The following DPYD variants were observed in gnomAD, a reference collection of about 807,000 sequenced individuals.
The protein encoded by DPYD is dihydropyrimidine dehydrogenase [NADP(+)].
In DPYD, 109 loss-of-function variants were observed where a neutral mutation model predicts 116.2. The observed-to-expected ratio is 0.94, with a 90% CI of 0.80 to 1.10. The LOEUF is 1.10. DPYD is among the 50% of genes least tolerant of loss of function. The pLI is 0.00. For missense variants in DPYD, 1,302 were observed against 1,254.5 expected, an observed-to-expected ratio of 1.04 and a Z score of -0.57; for synonymous variants, 440 against 432.0, an observed-to-expected ratio of 1.02 and a Z score of -0.23.
chr1:97,366,761 G>C (rs551197757), intron 16 of DPYD, among the ~76,000 whole-genome samples: 1 of 152,118 alleles, frequency 6.6e-6, no homozygotes, highest in Non-Finnish European at 1.5e-5. Context: ...ATCAAAAAGC[G>C]AACAGAACTC....
chr1:97,270,211 C>T (rs1470924704), intron 18 of DPYD, among the ~76,000 whole-genome samples: 1 of 152,098 alleles, frequency 6.6e-6, no homozygotes, highest in Admixed American at 6.6e-5. Flanking sequence ...CATTAGGAGT[C>T]TAAATTCATA....
chr1:97,645,876 A>G (rs1174649546), intron 8 of DPYD, among the ~76,000 whole-genome samples: 1 of 152,064 alleles, frequency 6.6e-6, no homozygotes, highest in African/African-American at 2.4e-5. Flanking sequence ...TAGATTCTAT[A>G]TTTGAAGAAA....
At chr1:97,413,987 T>C (rs1237211333) in intron 14 of DPYD, among the ~76,000 whole-genome samples, 2 of 152,122 alleles carry the variant, frequency 1.3e-5, no homozygotes, top group African/African-American at 4.8e-5. Context: ...AGAAGTTATA[T>C]GTAGATTATA....
chr1:97,354,536 A>G (rs1327930300), intron 16 of DPYD, among the ~76,000 whole-genome samples: 1 of 152,224 alleles, frequency 6.6e-6, no homozygotes, highest in Non-Finnish European at 1.5e-5. Flanking sequence ...AATTCTGGAC[A>G]AGGACAAACA....
intron 13 of DPYD, among the ~76,000 whole-genome samples, chr1:97,504,769 A>G (rs1679787693): frequency 1.3e-5 from 2 of 151,828 alleles, no homozygotes; most frequent in South Asian, 4.2e-4. Flanking sequence ...TGAACAATGT[A>G]TTACATTGCA....
intron 18 of DPYD, among the ~76,000 whole-genome samples, chr1:97,297,623 T>G (rs1322531798): frequency 2.0e-5 from 3 of 152,286 alleles, no homozygotes; most frequent in African/African-American, 7.2e-5. Context: ...AATAAAAGGA[T>G]AGCATTGTCT....
At chr1:97,328,220 G>A (rs954546356) in intron 16 of DPYD, among the ~76,000 whole-genome samples, 1 of 152,112 alleles carries the variant, frequency 6.6e-6, no homozygotes, top group African/African-American at 2.4e-5. Context: ...CTGAGCCTAT[G>A]TTATTCATAA....
chr1:97,517,471 C>T (rs998067489), intron 12 of DPYD, among the ~76,000 whole-genome samples: 2 of 152,002 alleles, frequency 1.3e-5, no homozygotes, highest in African/African-American at 4.8e-5. Flanking sequence ...ACGATATCAT[C>T]CTTTTTAAAT....
intron 16 of DPYD, among the ~76,000 whole-genome samples, chr1:97,353,394 C>A (rs1424269355): frequency 2.0e-5 from 3 of 152,138 alleles, no homozygotes; most frequent in Non-Finnish European, 4.4e-5. Flanking sequence ...GTGCTTCCCA[C>A]CGTTTGAAGA....
intron 16 of DPYD, among the ~76,000 whole-genome samples, chr1:97,323,430 GTGTATATGTACACGTATA>G (rs1668471785): frequency 2.3e-5 from 2 of 86,272 alleles, no homozygotes; most frequent in South Asian, 3.5e-4. Context: ...ATATACATAT[GTGTATATGTACACGTATA>G]TACATATCAT....
At chr1:97,458,096 C>A (rs540880858) in intron 13 of DPYD, among the ~76,000 whole-genome samples, 9 of 152,226 alleles carry the variant, frequency 5.9e-5, no homozygotes, top group South Asian at 2.1e-4. Context: ...TTGAAGAAAT[C>A]TTTTAAGGCC....
At chr1:97,581,469 T>C (rs2102211748) in intron 10 of DPYD, among the ~76,000 whole-genome samples, 1 of 151,804 alleles carries the variant, frequency 6.6e-6, no homozygotes, top group East Asian at 1.9e-4. Context: ...TTGCTGGGCA[T>C]GGTAGCTCAG....
At chr1:97,793,167 T>C (rs1047417758) in intron 3 of DPYD, among the ~76,000 whole-genome samples, 1 of 152,146 alleles carries the variant, frequency 6.6e-6, no homozygotes, top group African/African-American at 2.4e-5. Context: ...TATTCCTAAG[T>C]TTTAAAATAT....
intron 13 of DPYD, among the ~76,000 whole-genome samples, chr1:97,476,162 C>A (rs1047616554): frequency 6.6e-6 from 1 of 152,092 alleles, no homozygotes; most frequent in Non-Finnish European, 1.5e-5. Flanking sequence ...AAAGTGGTGC[C>A]AGAGCCACAT....
At chr1:97,832,559 T>C (rs1401559766) in intron 2 of DPYD, among the ~76,000 whole-genome samples, 1 of 152,120 alleles carries the variant, frequency 6.6e-6, no homozygotes, top group African/African-American at 2.4e-5. Context: ...TTAATACCCA[T>C]AAATATTTTG....
At chr1:97,751,961 G>A (rs750397306) in intron 3 of DPYD, among the ~76,000 whole-genome samples, 8 of 151,792 alleles carry the variant, frequency 5.3e-5, no homozygotes, top group Admixed American at 3.3e-4. Context: ...CTTTCACCAC[G>A]TTGGCCGGGC....
intron 20 of DPYD, among the ~76,000 whole-genome samples, chr1:97,101,106 A>G (rs1372337430): frequency 6.6e-6 from 1 of 151,850 alleles, no homozygotes; most frequent in East Asian, 1.9e-4. Context: ...AGCAAAAAAA[A>G]AAATACCAAA....
intron 14 of DPYD, among the ~76,000 whole-genome samples, chr1:97,398,749 G>A (rs1402917346): frequency 6.6e-6 from 1 of 152,168 alleles, no homozygotes; most frequent in African/African-American, 2.4e-5. Flanking sequence ...GTCTTCTTTT[G>A]AGAAGTGTCT....
chr1:97,540,359 GAACAAAACAA>G (rs775739257), intron 12 of DPYD, among the ~76,000 whole-genome samples: 2,403 of 142,740 alleles, frequency 0.017, 36 homozygotes, highest in African/African-American at 0.035. Flanking sequence ...GCGGGGCAGG[GAACAAAACAA>G]AACAAAACAA....
Sources: gnomAD v4.1 joint callset for allele counts (sites outside exome capture counted in the v4.1 genomes callset) on GRCh38, gnomAD v4.1.1 for gene constraint, MANE v1.5 for transcripts, NCBI Gene and HGNC (gene_info 2026-07-23, HGNC 2026-07-21) for gene names.